Variants in GALNT9 observed in about 807,000 individuals in gnomAD.
GALNT9 encodes the protein GalNAc transferase 9.
Under a neutral mutation model 63.1 loss-of-function variants are expected in GALNT9, and 47 were observed. The observed-to-expected ratio is 0.75, with a 90% confidence interval of 0.59 to 0.95. GALNT9 has a LOEUF of 0.95. Among genes scored for constraint, GALNT9 ranks in the 40% least tolerant of loss-of-function variants. The probability of loss-of-function intolerance (pLI) is 0.00; values close to 1 mark genes in which losing one functional copy is unlikely to be tolerated. For synonymous variants in GALNT9, 396 were observed against 365.7 expected (o/e 1.08, Z -0.94); for missense variants, 829 against 874.8 (o/e 0.95, Z 0.66).
chr12:132,206,338 A>G (rs1194178599), intron 6 of GALNT9, among the ~76,000 whole-genome samples: 3 of 152,096 alleles, frequency 2.0e-5, no homozygotes, highest in Admixed American at 1.3e-4. Context: ...CTCTAGTGCC[A>G]GAGAGATTAG....
Position 132,290,889 on chromosome 12 carries a change from A to G in GALNT9, c.239-4459T>C, listed in dbSNP as rs1439256828. The stretch of plus-strand genomic sequence containing the variant: ...CAGCGCCCACGTCCACATCACCCAC[A>G]TCCACAGCACCCACGTCCACAGCAC... On this transcript the variant is annotated intron_variant, in intron 1 of 10. Transcript: ENST00000328957. 1.7e-4 allele frequency among the ~76,000 whole-genome samples: 6 copies of G among 35,536 alleles called. 1 individual carries two copies. Among genetic ancestry groups the G allele is most frequent in the Admixed American group, 6.4e-4 (2 of 3,148 alleles). 23.3% of individuals were successfully genotyped at this position (35,536 alleles called of 152,430 possible).
intron 6 of GALNT9, among the ~76,000 whole-genome samples, chr12:132,226,731 C>A (rs1459104358): frequency 7.1e-6 from 1 of 141,752 alleles, no homozygotes; most frequent in Non-Finnish European, 1.5e-5. Context: ...AATACACATC[C>A]CACACACATA....
intron 1 of GALNT9, among the ~76,000 whole-genome samples, chr12:132,324,930 A>C (rs1555246427): frequency 6.6e-6 from 1 of 152,194 alleles, no homozygotes; most frequent in East Asian, 1.9e-4. Flanking sequence ...GCCCCACAGG[A>C]ACGTCCCCTC....
rs1020051761 is a variant in GALNT9, at chr12:132,236,496, C to T, written c.1077+11414G>A. 1.3e-5 allele frequency among the ~76,000 whole-genome samples: 2 copies of T among 151,804 alleles called. No homozygotes were observed. The highest frequency in any genetic ancestry group is 2.9e-5 in the Non-Finnish European group (2 of 67,936). ...GTCAGCTCTGCAAAATCATCACAGA[C>T]GTGGGGGGATGGCGTCTCTCCCTCC... On this transcript the variant is annotated intron_variant, in intron 6 of 10. Coordinates refer to ENST00000328957, the MANE Select transcript of GALNT9 (RefSeq NM_001122636.2). This position sits in a 1 kb window ranked among gnomAD's most constrained non-coding sequence, Gnocchi z 5.6.
intron 6 of GALNT9, among the ~76,000 whole-genome samples, chr12:132,230,447 G>A (rs1014844590): frequency 0.041 from 6,239 of 152,322 alleles, 165 homozygotes; most frequent in Middle Eastern, 0.11. Flanking sequence ...CCTGGCGTTC[G>A]CTGCCAGATC....
chr12:132,291,550 TCCACAGCACCCACAA>T (rs1352344226), intron 1 of GALNT9, among the ~76,000 whole-genome samples: 17 of 144,828 alleles, frequency 1.2e-4, no homozygotes, highest in African/African-American at 2.9e-4. Context: ...ACCACCGACA[TCCACAGCACCCACAA>T]CCACAGCGCC....
chr12:132,210,632 C>G (rs997982136), intron 6 of GALNT9, among the ~76,000 whole-genome samples: 5 of 152,174 alleles, frequency 3.3e-5, no homozygotes, highest in African/African-American at 1.2e-4. Flanking sequence ...GAGGCCCGAG[C>G]CCCGTCCTCC....
chr12:132,250,211 C>T (rs1175320335), intron 5 of GALNT9, among the ~76,000 whole-genome samples: 1 of 152,156 alleles, frequency 6.6e-6, no homozygotes, highest in African/African-American at 2.4e-5. Flanking sequence ...CCGTGTGACT[C>T]CGTCCGCATG....
intron 1 of GALNT9, among the ~76,000 whole-genome samples, chr12:132,295,715 C>T (rs1013368226): frequency 3.3e-5 from 5 of 152,236 alleles, no homozygotes; most frequent in Admixed American, 6.5e-5. Flanking sequence ...GATTCTGGAC[C>T]GCCGGCCTCC....
Position 132,296,844 on chromosome 12 carries a change from G to A in GALNT9, c.239-10414C>T, listed in dbSNP as rs1208248443. 2.6e-5 allele frequency among the ~76,000 whole-genome samples: 4 copies of A among 152,030 alleles called. No individual in the cohort carries two copies. Among genetic ancestry groups the A allele is most frequent in the Non-Finnish European group, 4.4e-5 (3 of 67,976 alleles). On this transcript the variant is annotated intron_variant, in intron 1 of 10. Coordinates refer to ENST00000328957, the MANE Select transcript of GALNT9 (RefSeq NM_001122636.2). The surrounding 1 kb of genome is among the most constrained non-coding windows in gnomAD (Gnocchi z 4.2). ...AGCACACACGCATTGGGGGCTGGGCGGGGGGAGGGTGGAACTCTTCCTTCC... is the reference window on the plus strand; with the variant it reads ...AGCACACACGCATTGGGGGCTGGGCAGGGGGAGGGTGGAACTCTTCCTTCC...
chr12:132,248,104 A>T, intron 5 of GALNT9, 77 bp from the exon 6 acceptor site: 1 of 1,488,012 alleles, frequency 6.7e-7, no homozygotes, highest in Non-Finnish European at 9.0e-7. Flanking sequence ...GAGCCAGGAA[A>T]GCCTGGAAGA....
intron 2 of GALNT9, chr12:132,274,871 A>T: frequency 1.3e-5 from 2 of 152,328 alleles, no homozygotes; most frequent in East Asian, 3.9e-4. Flanking sequence ...CTACACATCT[A>T]TGAACATACC....
At chr12:132,263,039 C>T (rs1229302896) in intron 2 of GALNT9, among the ~76,000 whole-genome samples, 1 of 152,112 alleles carries the variant, frequency 6.6e-6, no homozygotes, top group African/African-American at 2.4e-5. Flanking sequence ...AGGAGCCTCC[C>T]CTGTGGGCCA....
At chr12:132,214,134 A>G (rs1425597836) in intron 6 of GALNT9, among the ~76,000 whole-genome samples, 2 of 152,154 alleles carry the variant, frequency 1.3e-5, no homozygotes, top group African/African-American at 4.8e-5. Context: ...GCACCTGGAG[A>G]AGAGAGAGCC....
chr12:132,240,442 C>G (rs1878209411), intron 6 of GALNT9: 1 of 363,278 alleles, frequency 2.8e-6, no homozygotes, highest in Non-Finnish European at 5.4e-6. Flanking sequence ...GACATGGCCT[C>G]AGAACCAGCC....
At chr12:132,197,355 T>A in intron 10 of GALNT9, 102 bp from the exon 11 acceptor site, 1 of 1,509,714 alleles carries the variant, frequency 6.6e-7, no homozygotes, top group Non-Finnish European at 8.8e-7. Flanking sequence ...TCGTGCTCAT[T>A]CTTGGGGCAG....
At chr12:132,253,373 T>G (rs1175914065) in intron 5 of GALNT9, among the ~76,000 whole-genome samples, 3 of 151,808 alleles carry the variant, frequency 2.0e-5, no homozygotes, top group Non-Finnish European at 4.4e-5. Flanking sequence ...AAGTAACAGG[T>G]GCCTTCCCAG....
intron 6 of GALNT9, chr12:132,240,451 C>G (rs1183876095): frequency 5.5e-6 from 2 of 364,964 alleles, no homozygotes. Flanking sequence ...TCAGAACCAG[C>G]CCTCAGAACG....
intron 7 of GALNT9, among the ~76,000 whole-genome samples, chr12:132,201,721 G>A (rs1354388455): frequency 1.3e-5 from 2 of 152,158 alleles, no homozygotes; most frequent in Non-Finnish European, 2.9e-5. Flanking sequence ...GTGTTGTCAC[G>A]CATGGGTGCC....
Sources: gnomAD v4.1 joint callset for allele counts (sites outside exome capture counted in the v4.1 genomes callset) on GRCh38, gnomAD v4.1.1 for gene constraint, Gnocchi (gnomAD v3.1) non-coding constraint, MANE v1.5 for transcripts, NCBI Gene and HGNC (gene_info 2026-07-23, HGNC 2026-07-21) for gene names.